The following EIF2AK1 variants were observed in gnomAD, a reference collection of about 807,000 sequenced individuals.
The protein encoded by EIF2AK1 is eukaryotic translation initiation factor 2 alpha kinase 1.
In EIF2AK1, 54 loss-of-function variants were observed where a neutral mutation model predicts 77.9. That is an observed-to-expected ratio of 0.69 (90% CI 0.56 to 0.87). The LOEUF is 0.87. Among genes scored for constraint, EIF2AK1 ranks in the 40% least tolerant of loss-of-function variants. The pLI is 0.00. For missense variants in EIF2AK1, 810 were observed against 768.6 expected (o/e 1.05, Z -0.64); for synonymous variants, 314 against 290.5 (o/e 1.08, Z -0.82).
At chr7:6,047,231 A>G in intron 4 of EIF2AK1, 140 bp from the exon 5 acceptor site, 2 of 926,658 alleles carry the variant, frequency 2.2e-6, no homozygotes, top group Non-Finnish European at 3.5e-6. Flanking sequence ...ATGGGCTAAA[A>G]TGAAATTTTT....
intron 2 of EIF2AK1, 113 bp from the exon 3 acceptor site, chr7:6,050,158 T>A: frequency 1.3e-6 from 1 of 775,808 alleles, no homozygotes; most frequent in Non-Finnish European, 2.0e-6. Flanking sequence ...AAAACCTCAA[T>A]AGGAAAAATA....
At position 6,037,483 on chromosome 7, in the gene EIF2AK1, C is replaced by A; in HGVS notation, c.1273G>T (p.Glu425Ter). The change falls in exon 11 of 15, where the codon GAA (glutamate) becomes TAA (stop). Residue 425 changes from glutamate to a stop codon, truncating the protein, a stop_gained. Transcript: ENST00000199389. LOFTEE classifies it high-confidence loss of function. ...MANVATKIFQELVEGVFYIHN... is the reference protein window; with the variant it reads ...MANVATKIFQ ...ATGTAAAACACACCTTCTACCAATT[C>A]TTGAAAAATTTTTGTTGCAACATTG... 6.2e-7 allele frequency: 1 copy of A among 1,613,018 alleles called. No homozygotes were observed. Among genetic ancestry groups the A allele is most frequent in the Non-Finnish European group, 8.5e-7 (1 of 1,179,576 alleles).
Position 6,048,850 on chromosome 7 carries a change from A to G in EIF2AK1, c.412-6T>C, listed in dbSNP as rs1562756204. The G allele has an allele frequency of 6.4e-7, 1 of 1,573,392 alleles. No individual in the cohort carries two copies. Among genetic ancestry groups the G allele is most frequent in the Non-Finnish European group, 8.6e-7 (1 of 1,166,658 alleles). Reference sequence around the variant, plus strand: ...GAAATATCCTCACAAGGATCCTACAATTAAAAAATTGTTTTTAAAAAGCAT... The same window carrying G: ...GAAATATCCTCACAAGGATCCTACAGTTAAAAAATTGTTTTTAAAAAGCAT... On this transcript the variant is annotated splice_polypyrimidine_tract_variant and splice_region_variant and intron_variant, in intron 3 of 14. Transcript: ENST00000199389.
chr7:6,048,934 C>T (rs1371526411), intron 3 of EIF2AK1, 90 bp from the exon 4 acceptor site: 20 of 804,296 alleles, frequency 2.5e-5, no homozygotes, highest in South Asian at 1.7e-5. Flanking sequence ...TTAACAACCC[C>T]AAATGCATAA....
chr7:6,034,234 G>A (rs903246427), intron 11 of EIF2AK1, among the ~76,000 whole-genome samples: 6 of 151,964 alleles, frequency 3.9e-5, no homozygotes, highest in African/African-American at 1.5e-4. Flanking sequence ...TTGAACCCGT[G>A]AGGCAGCAGT....
Position 6,059,144 on chromosome 7 carries a change from A to C in EIF2AK1, c.-61T>G. 1 of 1,146,674 alleles carries C rather than the reference A, an allele frequency of 8.7e-7. No individual in the cohort carries two copies. Among genetic ancestry groups the C allele is most frequent in the Non-Finnish European group, 1.1e-6 (1 of 875,974 alleles). 71.0% of individuals were successfully genotyped at this position (1,146,674 alleles called of 1,614,324 possible). A position where few individuals can be genotyped will look rare whatever the true frequency, so the allele number is the denominator to read the frequency against. On this transcript the variant is annotated 5_prime_UTR_variant, in exon 1 of 15. Coordinates refer to ENST00000199389, the MANE Select transcript of EIF2AK1 (RefSeq NM_014413.4). ...GCCAGCCCAGCACTGCCACACTCCG[A>C]TGCTGCAGCTAGCGCCGTCCGACCC...
In EIF2AK1 at chr7:6,032,636, C is replaced by T. The variant is rs1562744043; in HGVS notation, c.1333-3604G>A. Among the ~76,000 whole-genome samples the T allele has an allele frequency of 6.6e-6, 1 of 152,108 alleles. No individual in the cohort carries two copies. The highest frequency in any genetic ancestry group is 1.5e-5 in the Non-Finnish European group (1 of 68,026). Reference sequence around the variant, plus strand: ...TCAGTAAATGTGCATTTCTGTGAAACACAGATTTTATAGGATGGAATTCAC... The same window carrying T: ...TCAGTAAATGTGCATTTCTGTGAAATACAGATTTTATAGGATGGAATTCAC... On this transcript the variant is annotated intron_variant, in intron 11 of 14. Transcript: ENST00000199389. This position sits in a 1 kb window ranked among gnomAD's most constrained non-coding sequence, Gnocchi z 4.3.
At position 6,032,807 on chromosome 7, in the gene EIF2AK1, C is replaced by A; in HGVS notation, c.1333-3775G>T. ...AACAGTATTTTTAACTACACAGGGC[C>A]ACTTGTAATGTGTTTTGTTTTCCCT... On this transcript the variant is annotated intron_variant, in intron 11 of 14. Coordinates refer to ENST00000199389, the MANE Select transcript of EIF2AK1 (RefSeq NM_014413.4). This position sits in a 1 kb window ranked among gnomAD's most constrained non-coding sequence, Gnocchi z 4.3. 6.6e-7 allele frequency: 1 copy of A among 1,513,186 alleles called. No homozygotes were observed. Among genetic ancestry groups the A allele is most frequent in the East Asian group, 2.5e-5 (1 of 40,664 alleles). 93.7% of individuals were successfully genotyped at this position (1,513,186 alleles called of 1,614,324 possible).
chr7:6,056,613 A>AAAAAAATAT, intron 1 of EIF2AK1, among the ~76,000 whole-genome samples: 3 of 43,738 alleles, frequency 6.9e-5, no homozygotes, highest in South Asian at 8.1e-4. Flanking sequence ...AAAAAAAAAA[A>AAAAAAATAT]ATATATATAT....
rs750747973 is a variant in EIF2AK1 at position 6,035,477 on chromosome 7, G to C, written c.1332+1947C>G. ...CAGGCCTCACCACACTCAACTTAATGCTACTGCACTGGCCAGTCACTTCCA... is the reference window on the plus strand; with the variant it reads ...CAGGCCTCACCACACTCAACTTAATCCTACTGCACTGGCCAGTCACTTCCA... On this transcript the variant is annotated intron_variant, in intron 11 of 14. Transcript: ENST00000199389. The surrounding 1 kb of genome is among the most constrained non-coding windows in gnomAD (Gnocchi z 5.5). 21 of 1,550,826 alleles carry C rather than the reference G, an allele frequency of 1.4e-5. No homozygotes were observed. Among genetic ancestry groups the C allele is most frequent in the Non-Finnish European group, 1.8e-5 (21 of 1,147,050 alleles).
At position 6,038,666 on chromosome 7, in the gene EIF2AK1, C is replaced by T. The variant is rs1392874386; in HGVS notation, c.1125G>A (p.Gln375=). 2.5e-6 allele frequency: 4 copies of T among 1,610,310 alleles called. No individual in the cohort carries two copies. Among genetic ancestry groups the T allele is most frequent in the Non-Finnish European group, 3.4e-6 (4 of 1,178,228 alleles). ...TCTGGATGTGCAGCATCAGGTGGTA[C>T]TGTGCCTAGGAGAGGACACAGTGAT... ...NVNFLGQTEA[Q]YHLMLHIQMQ... Residue 375 remains glutamine (Q), a synonymous_variant, in exon 10 of 15, where the codon CAG becomes CAA. Coordinates refer to ENST00000199389, the MANE Select transcript of EIF2AK1 (RefSeq NM_014413.4).
In EIF2AK1 at chr7:6,033,488, T is replaced by G. The variant is rs946231896; in HGVS notation, c.1332+3936A>C. ...GAGGATTAAGAGCTCAATGGTGGTG[T>G]TGTGAGGAATGCAGTAAAGTCCTTG... On this transcript the variant is annotated intron_variant, in intron 11 of 14. Transcript: ENST00000199389. This position sits in a 1 kb window ranked among gnomAD's most constrained non-coding sequence, Gnocchi z 4.4. 2.6e-5 allele frequency among the ~76,000 whole-genome samples: 4 copies of G among 152,184 alleles called. No individual in the cohort carries two copies. The highest frequency in any genetic ancestry group is 5.9e-5 in the Non-Finnish European group (4 of 68,032).
At chr7:6,025,989 C>T (rs1787734422) in intron 14 of EIF2AK1, among the ~76,000 whole-genome samples, 1 of 151,828 alleles carries the variant, frequency 6.6e-6, no homozygotes, top group Non-Finnish European at 1.5e-5. Flanking sequence ...TTTTCCTCAG[C>T]ATTTAAAAAA....
At chr7:6,052,888 G>A (rs1203861822) in intron 2 of EIF2AK1, among the ~76,000 whole-genome samples, 2 of 151,980 alleles carry the variant, frequency 1.3e-5, no homozygotes, top group East Asian at 1.9e-4. Context: ...ACTTGAACCC[G>A]GGGGGCGGAG....
intron 14 of EIF2AK1, chr7:6,026,508 G>A: frequency 1.5e-6 from 1 of 687,802 alleles, no homozygotes; most frequent in South Asian, 1.5e-5. Flanking sequence ...TCCTGTGCCT[G>A]CTGAGGCCAC....
chr7:6,056,615 T>A (rs574696970), intron 1 of EIF2AK1, among the ~76,000 whole-genome samples: 3,998 of 40,368 alleles, frequency 0.099, 195 homozygotes, highest in African/African-American at 0.17. Context: ...AAAAAAAAAA[T>A]ATATATATAT....
chr7:6,053,179 A>G (rs550276447), intron 2 of EIF2AK1, among the ~76,000 whole-genome samples: 39 of 152,172 alleles, frequency 2.6e-4, no homozygotes, highest in African/African-American at 8.9e-4. Flanking sequence ...ATTAAACAAC[A>G]TATTTTTATT....
At position 6,027,003 on chromosome 7, in the gene EIF2AK1, A is replaced by T; in HGVS notation, c.1531-42T>A. On this transcript the variant is annotated intron_variant, in intron 13 of 14. Transcript: ENST00000199389. The surrounding 1 kb of genome is among the most constrained non-coding windows in gnomAD (Gnocchi z 4.5). ...AGGGGAACTCAGTAGTGAAATACAA[A>T]GTTAGAAGAACGTTTCCATTTCCGT... 1 of 1,518,710 alleles carries T rather than the reference A, an allele frequency of 6.6e-7. No individual in the cohort carries two copies. Among genetic ancestry groups the T allele is most frequent in the East Asian group, 2.3e-5 (1 of 44,398 alleles). 94.1% of individuals were successfully genotyped at this position (1,518,710 alleles called of 1,614,324 possible).
intron 11 of EIF2AK1, among the ~76,000 whole-genome samples, chr7:6,031,099 T>A (rs1787896881): frequency 6.6e-6 from 1 of 152,222 alleles, no homozygotes; most frequent in Non-Finnish European, 1.5e-5. Context: ...CAGCTACACT[T>A]GAACTGGAGA....
Sources: allele counts gnomAD v4.1 joint callset (sites outside exome capture counted in the v4.1 genomes callset), GRCh38; gene constraint gnomAD v4.1.1; non-coding constraint Gnocchi (gnomAD v3.1); transcripts MANE v1.5; gene names NCBI Gene and HGNC (gene_info 2026-07-23, HGNC 2026-07-21).